Variants in ECT2L observed in about 807,000 individuals in gnomAD.
ECT2L encodes the protein epithelial cell transforming 2 like.
Under a neutral mutation model 122.8 loss-of-function variants are expected in ECT2L, and 126 were observed. That is an observed-to-expected ratio of 1.03 (90% CI 0.89 to 1.19). The LOEUF is 1.19. Among genes scored for constraint, ECT2L ranks in the 50% most tolerant of loss-of-function variants. The pLI is 0.00. For synonymous variants in ECT2L, 385 were observed against 381.8 expected, an observed-to-expected ratio of 1.01 and a Z score of -0.10; for missense variants, 1,012 against 1,064.1, an observed-to-expected ratio of 0.95 and a Z score of 0.68.
intron 4 of ECT2L, chr6:138,822,874 T>C: frequency 6.2e-7 from 1 of 1,613,970 alleles, no homozygotes; most frequent in Non-Finnish European, 8.5e-7. Flanking sequence ...GCAAAAGTTT[T>C]CCTCCCTGTA....
In ECT2L at chr6:138,881,255, G is replaced by A. The variant is rs1168335254; in HGVS notation, c.1880+84G>A. The A allele has an allele frequency of 3.7e-6, 5 of 1,352,830 alleles. No homozygotes were observed. The East Asian group carries it at 1.0e-4, about 27-fold the overall frequency. 83.8% of individuals were successfully genotyped at this position (1,352,830 alleles called of 1,614,324 possible). ...TTTATTGTTTCAAAAGCAGTATGGAGGTGCAATGATGCTCTGACCCTCTTA... is the reference window on the plus strand; with the variant it reads ...TTTATTGTTTCAAAAGCAGTATGGAAGTGCAATGATGCTCTGACCCTCTTA... On this transcript the variant is annotated intron_variant, in intron 15 of 21. Transcript: ENST00000541398.
At chr6:138,864,253 C>G (rs965174012) in intron 11 of ECT2L, among the ~76,000 whole-genome samples, 1 of 151,970 alleles carries the variant, frequency 6.6e-6, no homozygotes, top group Admixed American at 6.6e-5. Context: ...ACCCGGGAGG[C>G]GAAGGTTGCA....
chr6:138,894,318 G>A (rs2128413106), intron 20 of ECT2L, among the ~76,000 whole-genome samples: 1 of 152,162 alleles, frequency 6.6e-6, no homozygotes, highest in East Asian at 1.9e-4. Flanking sequence ...GCCTCCCAAA[G>A]TGCTGGGATT....
In ECT2L at chr6:138,829,720, G is replaced by GT. The variant is rs576810411; in HGVS notation, c.180-8623dup. On this transcript the variant is annotated intron_variant, in intron 4 of 21. Coordinates refer to ENST00000541398, the MANE Select transcript of ECT2L (RefSeq NM_001077706.3). The stretch of plus-strand genomic sequence containing the variant: ...ATAGAGTCAAATTTCTGTGTTTTTG[G>GT]TTTTTTTTTCCTTTTTTTTTGAGAC... 2.7e-3 allele frequency among the ~76,000 whole-genome samples: 391 copies of GT among 146,962 alleles called. 3 individuals are homozygous for GT. The highest frequency in any genetic ancestry group is 9.3e-3 in the African/African-American group (372 of 40,172).
Position 138,889,029 on chromosome 6 carries a change from A to C in ECT2L, c.2412A>C (p.Leu804Phe). The C allele has an allele frequency of 6.5e-7, 1 of 1,534,592 alleles. No individual in the cohort carries two copies. Among genetic ancestry groups the C allele is most frequent in the Non-Finnish European group, 8.8e-7 (1 of 1,132,544 alleles). ...HCCDEEISFS[L>F]RLYEHIHDLS... ...GTGATGAAGAAATAAGTTTCTCTTTAAGGTAAACAATAGTTAACTATCCTA... is the reference window on the plus strand; with the variant it reads ...GTGATGAAGAAATAAGTTTCTCTTTCAGGTAAACAATAGTTAACTATCCTA... The change falls in exon 20 of 22, where the codon TTA (leucine) becomes TTC (phenylalanine). Residue 804 changes from leucine (L) to phenylalanine (F), a missense_variant and splice_region_variant. Leu to Phe is a conservative substitution (Grantham distance 22). Coordinates refer to ENST00000541398, the MANE Select transcript of ECT2L (RefSeq NM_001077706.3).
chr6:138,813,192 A>G lies in ECT2L; in HGVS notation c.-83A>G, dbSNP rs1775957513. On this transcript the variant is annotated 5_prime_UTR_variant, in exon 3 of 22. Transcript: ENST00000541398. ...TCTAGGTGATCTTAATTGCACACCT[A>G]TTGAAATAAACCTGTAGTTTCTAGA... The G allele has an allele frequency of 4.3e-6, 4 of 925,218 alleles. No homozygotes were observed. Among genetic ancestry groups the G allele is most frequent in the South Asian group, 3.1e-5 (2 of 64,782 alleles). The allele number at this position is 925,218 out of a possible 1,614,324, so 57.3% of individuals were successfully genotyped here.
chr6:138,850,893 C>T (rs781026211), intron 9 of ECT2L, among the ~76,000 whole-genome samples: 1 of 145,130 alleles, frequency 6.9e-6, no homozygotes, highest in Non-Finnish European at 1.5e-5. Flanking sequence ...CCCAGCTACT[C>T]GGGAGGCTGA....
At chr6:138,853,977 T>A in intron 9 of ECT2L, 49 bp from the exon 10 acceptor site, 1 of 1,578,924 alleles carries the variant, frequency 6.3e-7, no homozygotes, top group Non-Finnish European at 8.6e-7. Context: ...TAATTTCTGT[T>A]CAGTATTATG....
chr6:138,842,333 C>T (rs1460175493), intron 5 of ECT2L, among the ~76,000 whole-genome samples: 1 of 152,028 alleles, frequency 6.6e-6, no homozygotes, highest in African/African-American at 2.4e-5. Flanking sequence ...TGGTGGCATG[C>T]GCCTGTAATC....
chr6:138,897,486 G>A (rs1779256216), intron 20 of ECT2L, among the ~76,000 whole-genome samples: 1 of 152,088 alleles, frequency 6.6e-6, no homozygotes, highest in Admixed American at 6.5e-5. Context: ...AGGAGGTCCT[G>A]GAACACATTC....
At chr6:138,852,296 C>G (rs1777476272) in intron 9 of ECT2L, among the ~76,000 whole-genome samples, 1 of 152,042 alleles carries the variant, frequency 6.6e-6, no homozygotes, top group South Asian at 2.1e-4. Context: ...AACCCCCCAG[C>G]CCTCTGCCCC....
At chr6:138,830,701 C>T (rs11155013) in intron 4 of ECT2L, among the ~76,000 whole-genome samples, 35,530 of 152,032 alleles carry the variant, frequency 0.23, 4,808 homozygotes, top group Middle Eastern at 0.3. Context: ...GATGCCATGA[C>T]AGAAGATTAA....
At chr6:138,836,196 T>A (rs945126180) in intron 4 of ECT2L, among the ~76,000 whole-genome samples, 1 of 152,272 alleles carries the variant, frequency 6.6e-6, no homozygotes, top group African/African-American at 2.4e-5. Context: ...AATTTAAAAG[T>A]ATTTGATTAA....
intron 10 of ECT2L, among the ~76,000 whole-genome samples, chr6:138,857,505 C>G (rs1018306018): frequency 8.5e-5 from 13 of 152,160 alleles, no homozygotes; most frequent in African/African-American, 2.9e-4. Flanking sequence ...TGTACTGGCA[C>G]TACTTTTGGA....
At chr6:138,858,697 CTTTTTTTTTT>C (rs35946003) in intron 10 of ECT2L, among the ~76,000 whole-genome samples, 22 of 59,324 alleles carry the variant, frequency 3.7e-4, no homozygotes, top group African/African-American at 7.7e-4. Context: ...TAGAATTTTC[CTTTTTTTTTT>C]TTTTTTTTTT....
At chr6:138,884,072 T>C (rs1438002954) in intron 16 of ECT2L, among the ~76,000 whole-genome samples, 2 of 152,054 alleles carry the variant, frequency 1.3e-5, no homozygotes, top group East Asian at 3.9e-4. Context: ...CACCATGTTG[T>C]CCAGGCTGGT....
chr6:138,831,357 A>T (rs1776642925), intron 4 of ECT2L, among the ~76,000 whole-genome samples: 1 of 152,218 alleles, frequency 6.6e-6, no homozygotes, highest in Non-Finnish European at 1.5e-5. Flanking sequence ...AAAAAATTGT[A>T]ACCTTTAACA....
At chr6:138,814,404 G>A in intron 3 of ECT2L, 87 bp from the exon 4 acceptor site, 1 of 743,882 alleles carries the variant, frequency 1.3e-6, no homozygotes, top group Middle Eastern at 2.4e-4. Context: ...TAGCTGTGAG[G>A]TTGCTGGTAG....
At chr6:138,866,214 T>G (rs1778032771) in intron 12 of ECT2L, among the ~76,000 whole-genome samples, 1 of 151,380 alleles carries the variant, frequency 6.6e-6, no homozygotes, top group South Asian at 2.1e-4. Flanking sequence ...AATGGTGTGA[T>G]CTCAGCTCAC....
Sources: gnomAD v4.1 joint callset for allele counts (sites outside exome capture counted in the v4.1 genomes callset) on GRCh38, gnomAD v4.1.1 for gene constraint, MANE v1.5 for transcripts, NCBI Gene and HGNC (gene_info 2026-07-23, HGNC 2026-07-21) for gene names.